The following SLC7A8 variants were observed in gnomAD, a reference collection of about 807,000 sequenced individuals.
SLC7A8 encodes large neutral amino acids transporter small subunit 2.
Under a neutral mutation model 51.2 loss-of-function variants are expected in SLC7A8, and 30 were observed. The observed-to-expected ratio is 0.59, with a 90% CI of 0.44 to 0.80. SLC7A8 has a LOEUF of 0.80. Ranked by LOEUF, SLC7A8 falls within the 30% of genes least tolerant of loss-of-function variation. The probability of loss-of-function intolerance (pLI) is 0.00; values close to 1 mark genes in which losing one functional copy is unlikely to be tolerated. For synonymous variants in SLC7A8, 257 were observed against 275.8 expected (o/e 0.93, Z 0.67); for missense variants, 612 against 674.4 (o/e 0.91, Z 1.03).
chr14:23,143,339 A>AC, intron 3 of SLC7A8, 135 bp from the exon 4 acceptor site: 1 of 1,215,584 alleles, frequency 8.2e-7, no homozygotes, highest in East Asian at 2.4e-5. Context: ...AGCAAGCTCA[A>AC]CCCCAGGGAC....
chr14:23,180,107 C>T (rs183460749), intron 1 of SLC7A8, among the ~76,000 whole-genome samples: 75 of 152,146 alleles, frequency 4.9e-4, no homozygotes, highest in Middle Eastern at 3.4e-3. Context: ...GAGGTTTCAC[C>T]GTGTTAGCCA....
rs543918860 is a variant in SLC7A8 at position 23,131,539 on chromosome 14, G to A, written c.1035C>T (p.Ala345=). Residue 345 remains alanine (A), a synonymous_variant, in exon 8 of 11, where the codon GCC becomes GCT. Coordinates refer to ENST00000316902, the MANE Select transcript of SLC7A8 (RefSeq NM_012244.4). The part of the protein sequence containing the change: ...FTSSRLFFAG[A]REGHLPSVLA... ...ACACACTGGGAAGGTGGCCCTCTCG[G>A]GCTCCAGCGAAGAACAGCCTGTCAG... 16 of 1,605,960 alleles carry A rather than the reference G, an allele frequency of 1.0e-5. 1 individual carries two copies. In the South Asian group the frequency reaches 1.8e-4, roughly 18 times the overall value.
At chr14:23,179,908 T>C (rs1002133583) in intron 1 of SLC7A8, among the ~76,000 whole-genome samples, 2 of 52,764 alleles carry the variant, frequency 3.8e-5, no homozygotes, top group Non-Finnish European at 6.6e-5. Flanking sequence ...CTTTTTGACT[T>C]TTTTTTTTTT....
At chr14:23,167,868 G>C in intron 1 of SLC7A8, among the ~76,000 whole-genome samples, 1 of 152,102 alleles carries the variant, frequency 6.6e-6, no homozygotes. Flanking sequence ...GTGAGATGGA[G>C]ATTGTAAGGT....
At chr14:23,175,337 G>C (rs761726307) in intron 1 of SLC7A8, among the ~76,000 whole-genome samples, 1 of 152,040 alleles carries the variant, frequency 6.6e-6, no homozygotes, top group Non-Finnish European at 1.5e-5. Flanking sequence ...GCCTTCGAAG[G>C]AGCTGGGACT....
chr14:23,162,256 G>C (rs1030189779), intron 3 of SLC7A8, among the ~76,000 whole-genome samples: 12 of 152,120 alleles, frequency 7.9e-5, no homozygotes, highest in African/African-American at 2.9e-4. Flanking sequence ...TTCACAGCTA[G>C]GAGGAAAGGG....
chr14:23,134,850 T>C (rs2048674250), intron 7 of SLC7A8, among the ~76,000 whole-genome samples: 1 of 152,264 alleles, frequency 6.6e-6, no homozygotes, highest in Non-Finnish European at 1.5e-5. Flanking sequence ...GTTTCCTCCA[T>C]TGGTAACATG....
At chr14:23,133,853 T>C (rs1356038848) in intron 7 of SLC7A8, among the ~76,000 whole-genome samples, 1 of 151,808 alleles carries the variant, frequency 6.6e-6, no homozygotes, top group Non-Finnish European at 1.5e-5. Context: ...CATTATGTAG[T>C]CATAATGTTT....
intron 4 of SLC7A8, 28 bp from the exon 5 acceptor site, chr14:23,140,652 T>G: frequency 1.3e-6 from 2 of 1,595,298 alleles, no homozygotes; most frequent in Non-Finnish European, 1.7e-6. Flanking sequence ...AGGAGGCCGC[T>G]CAGTGAGACA....
chr14:23,130,501 G>C (rs2048622124), intron 8 of SLC7A8, among the ~76,000 whole-genome samples: 1 of 152,092 alleles, frequency 6.6e-6, no homozygotes. Flanking sequence ...GAGATCCGAT[G>C]GTTAAAATAA....
At chr14:23,167,586 G>A (rs896373537) in intron 1 of SLC7A8, among the ~76,000 whole-genome samples, 5 of 152,092 alleles carry the variant, frequency 3.3e-5, no homozygotes, top group African/African-American at 1.2e-4. Context: ...AGGAGTAAGA[G>A]TGTGGAGGCC....
At chr14:23,157,353 C>G (rs190906146) in intron 3 of SLC7A8, among the ~76,000 whole-genome samples, 4 of 152,308 alleles carry the variant, frequency 2.6e-5, no homozygotes, top group Admixed American at 2.6e-4. Context: ...ATCCTTACAA[C>G]TGAATTGTAA....
chr14:23,129,389 G>C, intron 9 of SLC7A8: 1 of 433,960 alleles, frequency 2.3e-6, no homozygotes, highest in Non-Finnish European at 4.1e-6. Flanking sequence ...GGCTTAGACT[G>C]GTAGGAAACA....
At chr14:23,168,541 AG>A (rs1489750346) in intron 1 of SLC7A8, among the ~76,000 whole-genome samples, 1 of 152,248 alleles carries the variant, frequency 6.6e-6, no homozygotes, top group Non-Finnish European at 1.5e-5. Flanking sequence ...CAATAAAGCT[AG>A]GGTTATAAAA....
At position 23,128,123 on chromosome 14, in the gene SLC7A8, G is replaced by A. The variant is rs907109413; in HGVS notation, c.1337C>T (p.Pro446Leu). The A allele has an allele frequency of 3.1e-6, 5 of 1,614,172 alleles. No homozygotes were observed. Among genetic ancestry groups the A allele is most frequent in the Admixed American group, 1.7e-5 (1 of 60,026 alleles). ...FLLVFSLWSE[P>L]VVCGIGLAIM... ...GGCCAGGCCAATGCCACACACCACC[G>A]GCTCTGACCACAGGCTGAAGACCAG... Residue 446 changes from proline to leucine, a missense_variant, in exon 10 of 11, where the codon CCG becomes CTG. Pro to Leu is a moderately conservative substitution (Grantham distance 98). Coordinates refer to ENST00000316902, the MANE Select transcript of SLC7A8 (RefSeq NM_012244.4). This position sits in a 1 kb window ranked among gnomAD's most constrained non-coding sequence, Gnocchi z 4.3.
At position 23,139,508 on chromosome 14, in the gene SLC7A8, G is replaced by T; in HGVS notation, c.828C>A (p.Val276=). 6.2e-7 allele frequency: 1 copy of T among 1,614,156 alleles called. No homozygotes were observed. The highest frequency in any genetic ancestry group is 1.1e-5 in the South Asian group (1 of 91,056). ...PRAIFISIPL[V]TFVYVFANVA... is the part of the protein sequence containing the mutation. ...CATTGGCAAAGACATACACAAATGT[G>T]ACCAGTGGGATGGAGATGAAGATGG... The change falls in exon 6 of 11, where the codon GTC becomes GTA. Residue 276 remains valine (V), a synonymous_variant. Coordinates refer to ENST00000316902, the MANE Select transcript of SLC7A8 (RefSeq NM_012244.4).
intron 1 of SLC7A8, among the ~76,000 whole-genome samples, chr14:23,170,045 C>T (rs1681445582): frequency 1.3e-5 from 2 of 152,196 alleles, no homozygotes; most frequent in African/African-American, 2.4e-5. Flanking sequence ...ATTGCAGTAC[C>T]ACCTTCAGTG....
At chr14:23,131,999 ATTTTT>A (rs1201371313) in intron 7 of SLC7A8, among the ~76,000 whole-genome samples, 2 of 98,194 alleles carry the variant, frequency 2.0e-5, no homozygotes, top group South Asian at 3.6e-4. Context: ...AAAACACTCT[ATTTTT>A]TTTTTTTTTT....
At chr14:23,170,781 A>G (rs954705535) in intron 1 of SLC7A8, among the ~76,000 whole-genome samples, 2 of 152,136 alleles carry the variant, frequency 1.3e-5, no homozygotes, top group Non-Finnish European at 2.9e-5. Context: ...GCTGGAGTGC[A>G]GTGGTGTGAT....
Sources: allele counts gnomAD v4.1 joint callset (sites outside exome capture counted in the v4.1 genomes callset), GRCh38; gene constraint gnomAD v4.1.1; non-coding constraint Gnocchi (gnomAD v3.1); transcripts MANE v1.5; gene names NCBI Gene and HGNC (gene_info 2026-07-23, HGNC 2026-07-21).